The following XKR4 variants were observed in gnomAD, a reference collection of about 807,000 sequenced individuals.
The protein encoded by XKR4 is XK-related protein 4.
XKR4 carries 12 observed loss-of-function variants against 53.9 expected under a neutral mutation model. The ratio of observed to expected loss-of-function variants is 0.22; its 90% CI spans 0.14 to 0.36. The LOEUF (loss-of-function observed/expected upper bound fraction) is 0.36. Ranked by LOEUF, XKR4 falls within the 10% of genes least tolerant of loss-of-function variation. The pLI is 1.00. For missense variants in XKR4, 799 were observed against 859.5 expected (o/e 0.93, Z 0.88); for synonymous variants, 354 against 362.4 (o/e 0.98, Z 0.26).
intron 2 of XKR4, among the ~76,000 whole-genome samples, chr8:55,393,997 A>G (rs1293546015): frequency 1.3e-5 from 2 of 152,198 alleles, no homozygotes; most frequent in African/African-American, 4.8e-5. Flanking sequence ...TTAACGATGA[A>G]AGCAGACCCT....
intron 1 of XKR4, among the ~76,000 whole-genome samples, chr8:55,298,687 C>T (rs919055156): frequency 2.0e-5 from 3 of 152,172 alleles, no homozygotes; most frequent in South Asian, 2.1e-4. Flanking sequence ...AGGGGACAAA[C>T]GTCCAACCTA....
rs563337300 is a variant in XKR4, at chr8:55,370,544, C to T, written c.1006+12667C>T. On this transcript the variant is annotated intron_variant, in intron 2 of 2. Coordinates refer to ENST00000327381, the MANE Select transcript of XKR4 (RefSeq NM_052898.2). ...GAACCAAAATTATAAGGAGAGTAGA[C>T]ATAAGCTCCTCAAAACACTTCCCAA... 1.6e-3 allele frequency among the ~76,000 whole-genome samples: 247 copies of T among 152,284 alleles called. 3 individuals carry two copies. The highest frequency in any genetic ancestry group is 2.7e-3 in the Non-Finnish European group (186 of 68,020).
chr8:55,415,696 C>A (rs564640569), intron 2 of XKR4, among the ~76,000 whole-genome samples: 1 of 152,082 alleles, frequency 6.6e-6, no homozygotes, highest in African/African-American at 2.4e-5. Flanking sequence ...ACAATTAAAA[C>A]CTCATTAGAA....
At chr8:55,291,140 A>G (rs1288074787) in intron 1 of XKR4, among the ~76,000 whole-genome samples, 1 of 151,848 alleles carries the variant, frequency 6.6e-6, no homozygotes, top group Admixed American at 6.6e-5. Context: ...CCTCTGTTGG[A>G]TTTCTTTTAT....
chr8:55,464,344 T>C (rs1022010148), intron 2 of XKR4, among the ~76,000 whole-genome samples: 1 of 152,094 alleles, frequency 6.6e-6, no homozygotes, highest in African/African-American at 2.4e-5. Flanking sequence ...ATAAACGTAA[T>C]CCAGCATATA....
intron 1 of XKR4, among the ~76,000 whole-genome samples, chr8:55,250,629 T>C (rs1472505103): frequency 6.6e-6 from 1 of 152,218 alleles, no homozygotes; most frequent in African/African-American, 2.4e-5. Context: ...CTCTCCTGAA[T>C]TAATAAGATA....
chr8:55,342,232 C>T (rs915087519), intron 1 of XKR4, among the ~76,000 whole-genome samples: 2 of 151,998 alleles, frequency 1.3e-5, no homozygotes, highest in Admixed American at 6.6e-5. Context: ...TTACAAATAA[C>T]GTGTAACATG....
At chr8:55,226,791 T>C (rs1223926711) in intron 1 of XKR4, among the ~76,000 whole-genome samples, 1 of 152,184 alleles carries the variant, frequency 6.6e-6, no homozygotes, top group Non-Finnish European at 1.5e-5. Context: ...TACCTCTTGT[T>C]TGAAGAATCT....
At chr8:55,498,678 CAGG>C (rs1806392961) in intron 2 of XKR4, among the ~76,000 whole-genome samples, 1 of 152,120 alleles carries the variant, frequency 6.6e-6, no homozygotes, top group Non-Finnish European at 1.5e-5. Flanking sequence ...GCGGCTGAGT[CAGG>C]AGGATCGCTT....
intron 1 of XKR4, among the ~76,000 whole-genome samples, chr8:55,253,130 G>T (rs1818383568): frequency 6.6e-6 from 1 of 152,158 alleles, no homozygotes; most frequent in Admixed American, 6.5e-5. Flanking sequence ...TGTAGAAACA[G>T]AAACTGTTTT....
intron 2 of XKR4, chr8:55,454,417 G>A (rs1378846794): frequency 7.7e-7 from 1 of 1,293,396 alleles, no homozygotes; most frequent in Non-Finnish European, 1.1e-6. Flanking sequence ...GGAGGCTCCT[G>A]CAGGCATCGG....
intron 1 of XKR4, among the ~76,000 whole-genome samples, chr8:55,187,391 A>G (rs1455758510): frequency 2.0e-5 from 3 of 152,092 alleles, no homozygotes; most frequent in Non-Finnish European, 1.5e-5. Context: ...TAGATACACT[A>G]AAAAGTGGGG....
In XKR4 at chr8:55,523,312, G is replaced by A. The variant is rs1193328619; in HGVS notation, c.1038G>A (p.Leu346=). ...GFTAAASLVS[L]AWALASYQKA... The stretch of plus-strand genomic sequence containing the variant: ...CAGCGGCAGCTTCCCTCGTGTCCCT[G>A]GCCTGGGCCTTGGCCTCCTACCAGA... Residue 346 remains leucine (L), a synonymous_variant, in exon 3 of 3, where the codon CTG becomes CTA. Transcript: ENST00000327381. The A allele has an allele frequency of 1.2e-6, 2 of 1,613,016 alleles. No homozygotes were observed. Among genetic ancestry groups the A allele is most frequent in the East Asian group, 4.5e-5 (2 of 44,860 alleles).
In XKR4 at chr8:55,318,245, T is replaced by C. The variant is rs372026827; in HGVS notation, c.807-39433T>C. Among the ~76,000 whole-genome samples the C allele has an allele frequency of 1.3e-4, 20 of 152,334 alleles. No homozygotes were observed. The Middle Eastern group carries it at 0.01, about 78-fold the overall frequency. ...CATATCTTCCATTTTATAAAAATCA[T>C]GACAAATAGGTACTATAAGAGCAGA... On this transcript the variant is annotated intron_variant, in intron 1 of 2. Coordinates refer to ENST00000327381, the MANE Select transcript of XKR4 (RefSeq NM_052898.2).
intron 1 of XKR4, among the ~76,000 whole-genome samples, chr8:55,288,549 T>C (rs552029978): frequency 2.0e-5 from 3 of 152,366 alleles, no homozygotes; most frequent in East Asian, 1.9e-4. Context: ...ATGAATCTTA[T>C]ACTTGGAGAA....
At chr8:55,183,808 G>A (rs2129360118) in intron 1 of XKR4, among the ~76,000 whole-genome samples, 1 of 152,278 alleles carries the variant, frequency 6.6e-6, no homozygotes, top group African/African-American at 2.4e-5. Context: ...CCTACTTACT[G>A]TATTAATTAC....
At chr8:55,473,990 C>G (rs1805934405) in intron 2 of XKR4, among the ~76,000 whole-genome samples, 1 of 151,998 alleles carries the variant, frequency 6.6e-6, no homozygotes, top group Non-Finnish European at 1.5e-5. Context: ...ATTGCAACCT[C>G]CAACACCTGG....
chr8:55,449,243 C>T (rs1398693006), intron 2 of XKR4, among the ~76,000 whole-genome samples: 1 of 152,170 alleles, frequency 6.6e-6, no homozygotes, highest in Admixed American at 6.5e-5. Context: ...TCGCCTGCAG[C>T]CAGCTGGCTG....
chr8:55,205,309 C>T (rs1817630595), intron 1 of XKR4, among the ~76,000 whole-genome samples: 1 of 152,132 alleles, frequency 6.6e-6, no homozygotes, highest in African/African-American at 2.4e-5. Context: ...TTGTTTTGTA[C>T]TTAAACTATT....
Sources: allele counts gnomAD v4.1 joint callset (sites outside exome capture counted in the v4.1 genomes callset), GRCh38; gene constraint gnomAD v4.1.1; transcripts MANE v1.5; gene names NCBI Gene and HGNC (gene_info 2026-07-23, HGNC 2026-07-21).